The following KHDRBS2 variants were observed in gnomAD, a reference collection of about 807,000 sequenced individuals.
The protein encoded by KHDRBS2 is KH domain-containing, RNA-binding, signal transduction-associated protein 2.
Under a neutral mutation model 44.3 loss-of-function variants are expected in KHDRBS2, and 26 were observed. The ratio of observed to expected loss-of-function variants is 0.59; its 90% confidence interval spans 0.43 to 0.81. The LOEUF is 0.81. Among genes scored for constraint, KHDRBS2 ranks in the 40% least tolerant of loss-of-function variants. The pLI is 0.00. For synonymous variants in KHDRBS2, 194 were observed against 151.1 expected (o/e 1.28, Z -2.08); for missense variants, 476 against 433.1 (o/e 1.10, Z -0.88).
intron 7 of KHDRBS2, among the ~76,000 whole-genome samples, chr6:61,727,823 T>C (rs776332461): frequency 6.6e-6 from 1 of 152,152 alleles, no homozygotes; most frequent in Non-Finnish European, 1.5e-5. Context: ...ACACTGTTGG[T>C]GGGAGCTTAA....
chr6:61,969,108 C>A (rs756890666), intron 4 of KHDRBS2, among the ~76,000 whole-genome samples: 7 of 151,926 alleles, frequency 4.6e-5, no homozygotes, highest in African/African-American at 1.7e-4. Flanking sequence ...CATATAAGAT[C>A]TTTTCTGTAA....
intron 6 of KHDRBS2, among the ~76,000 whole-genome samples, chr6:61,837,349 G>T (rs907383854): frequency 6.6e-6 from 1 of 151,880 alleles, no homozygotes; most frequent in Non-Finnish European, 1.5e-5. Flanking sequence ...CACACAACTT[G>T]GTCTCTGAAG....
the KHDRBS2 span, among the ~76,000 whole-genome samples, chr6:61,609,216 G>A: frequency 1.3e-5 from 2 of 152,130 alleles, no homozygotes; most frequent in African/African-American, 2.4e-5. Flanking sequence ...AAAATAAGCT[G>A]GGCATGGTGG....
intron 1 of KHDRBS2, among the ~76,000 whole-genome samples, chr6:62,188,802 T>C (rs1345281571): frequency 6.6e-6 from 1 of 152,150 alleles, no homozygotes; most frequent in Non-Finnish European, 1.5e-5. Flanking sequence ...GGTTCCCTTT[T>C]CACTCTTTCT....
At chr6:61,753,737 C>T (rs1270918933) in intron 6 of KHDRBS2, among the ~76,000 whole-genome samples, 2 of 152,116 alleles carry the variant, frequency 1.3e-5, no homozygotes, top group Non-Finnish European at 2.9e-5. Context: ...GTGTGGTAGA[C>T]TAATAATGGC....
rs532115619 is a variant in KHDRBS2, at chr6:61,778,638, T to C, written c.811-45874A>G. On this transcript the variant is annotated intron_variant, in intron 6 of 8. Coordinates refer to ENST00000281156, the MANE Select transcript of KHDRBS2 (RefSeq NM_152688.4). The stretch of plus-strand genomic sequence containing the variant: ...TAAAGTTACACAAAGCACAGATGAT[T>C]CCTCTTTCCTGGGACATAGTGCCAC... Among the ~76,000 whole-genome samples, 24 of 152,296 alleles carry C rather than the reference T, an allele frequency of 1.6e-4. No individual in the cohort carries two copies. The South Asian group carries it at 3.1e-3, about 20-fold the overall frequency.
chr6:62,030,196 T>C (rs1257692539), intron 3 of KHDRBS2, among the ~76,000 whole-genome samples: 2 of 152,104 alleles, frequency 1.3e-5, no homozygotes, highest in Admixed American at 1.3e-4. Flanking sequence ...ATCACCACTC[T>C]GGTGTACTAG....
chr6:61,932,344 C>T (rs1476058455), intron 4 of KHDRBS2, among the ~76,000 whole-genome samples: 3 of 152,158 alleles, frequency 2.0e-5, no homozygotes, highest in African/African-American at 7.2e-5. Context: ...ATTATAGTCA[C>T]CTGGCGGTAC....
intron 4 of KHDRBS2, among the ~76,000 whole-genome samples, chr6:61,921,183 G>A (rs1807998301): frequency 6.6e-6 from 1 of 151,814 alleles, no homozygotes; most frequent in African/African-American, 2.4e-5. Context: ...ATATCCTTGG[G>A]CAATGAGCCA....
chr6:62,033,902 G>T (rs1784787041), intron 3 of KHDRBS2, among the ~76,000 whole-genome samples: 2 of 150,892 alleles, frequency 1.3e-5, no homozygotes, highest in African/African-American at 4.9e-5. Context: ...AATAATTAAG[G>T]AAATATATAC....
intron 6 of KHDRBS2, among the ~76,000 whole-genome samples, chr6:61,847,644 T>C (rs1392589977): frequency 6.8e-6 from 1 of 146,106 alleles, no homozygotes; most frequent in African/African-American, 2.4e-5. Context: ...GAGTTTTCTT[T>C]CTGTCTTTGT....
At chr6:62,071,154 G>A (rs1033178547) in intron 2 of KHDRBS2, among the ~76,000 whole-genome samples, 3 of 152,142 alleles carry the variant, frequency 2.0e-5, no homozygotes, top group Admixed American at 1.3e-4. Flanking sequence ...AGAAGTTTCT[G>A]TTCATGTCCT....
At chr6:61,627,252 C>CA in the KHDRBS2 span, among the ~76,000 whole-genome samples, 56 of 76,112 alleles carry the variant, frequency 7.4e-4, no homozygotes, top group Middle Eastern at 8.5e-3. Context: ...GACTCCGTCT[C>CA]AAAAAAAAAA....
the KHDRBS2 span, among the ~76,000 whole-genome samples, chr6:61,648,223 C>T: frequency 2.0e-5 from 3 of 151,924 alleles, no homozygotes; most frequent in Admixed American, 2.0e-4. Flanking sequence ...AACTAGGTGC[C>T]TTGCTAATTG....
At chr6:62,278,939 A>C (rs1159147690) in intron 1 of KHDRBS2, among the ~76,000 whole-genome samples, 6 of 151,854 alleles carry the variant, frequency 4.0e-5, no homozygotes, top group East Asian at 1.9e-4. Flanking sequence ...CTAAAAATAC[A>C]AAAAATTAGC....
At chr6:61,935,034 G>A (rs1810775376) in intron 4 of KHDRBS2, among the ~76,000 whole-genome samples, 1 of 152,148 alleles carries the variant, frequency 6.6e-6, no homozygotes, top group South Asian at 2.1e-4. Context: ...TGAATTTTTA[G>A]AGTTCTAGCA....
intron 7 of KHDRBS2, among the ~76,000 whole-genome samples, chr6:61,729,148 T>C (rs1421016806): frequency 6.6e-6 from 1 of 152,034 alleles, no homozygotes; most frequent in Non-Finnish European, 1.5e-5. Context: ...TAGGCAGCCA[T>C]AAAAAAGAAT....
chr6:61,970,320 A>T (rs1771078765), intron 4 of KHDRBS2, among the ~76,000 whole-genome samples: 1 of 152,002 alleles, frequency 6.6e-6, no homozygotes, highest in Non-Finnish European at 1.5e-5. Context: ...AAAAAACTGC[A>T]TATTTTCAGA....
chr6:61,969,793 T>C (rs984442096), intron 4 of KHDRBS2, among the ~76,000 whole-genome samples: 14 of 152,014 alleles, frequency 9.2e-5, no homozygotes, highest in African/African-American at 3.4e-4. Flanking sequence ...GAAATTATTA[T>C]ATGAATTTGT....
Sources: gnomAD v4.1 joint callset for allele counts (sites outside exome capture counted in the v4.1 genomes callset) on GRCh38, gnomAD v4.1.1 for gene constraint, MANE v1.5 for transcripts, NCBI Gene and HGNC (gene_info 2026-07-23, HGNC 2026-07-21) for gene names.